Variants in FAM13B observed in about 807,000 individuals in gnomAD.
FAM13B encodes the protein family with sequence similarity 13 member B.
Under a neutral mutation model 117.3 loss-of-function variants are expected in FAM13B, and 60 were observed. The observed-to-expected ratio is 0.51, with a 90% CI of 0.42 to 0.63. The LOEUF (loss-of-function observed/expected upper bound fraction) is 0.63, where lower values mean the gene tolerates loss of function less well. FAM13B is among the 30% of genes least tolerant of loss of function. FAM13B has a pLI of 0.00. For missense variants in FAM13B, 972 were observed against 1,091.9 expected, an observed-to-expected ratio of 0.89 and a Z score of 1.55; for synonymous variants, 332 against 356.1, an observed-to-expected ratio of 0.93 and a Z score of 0.76.
At chr5:138,049,562 C>T (rs1473908811) in intron 1 of FAM13B, among the ~76,000 whole-genome samples, 6 of 151,794 alleles carry the variant, frequency 4.0e-5, no homozygotes, top group South Asian at 2.1e-4. Context: ...CGTGAGCCAC[C>T]GTGCCCGGCC....
At chr5:137,961,664 C>T (rs1271486074) in intron 11 of FAM13B, among the ~76,000 whole-genome samples, 5 of 152,186 alleles carry the variant, frequency 3.3e-5, no homozygotes, top group African/African-American at 7.2e-5. Flanking sequence ...AGGCTGTCAG[C>T]AAATTAGTAT....
At chr5:137,959,876 C>CAG in intron 12 of FAM13B, 113 bp from the exon 13 acceptor site, 1 of 992,250 alleles carries the variant, frequency 1.0e-6, no homozygotes. Flanking sequence ...TGTGCCTATA[C>CAG]AGCCAACTGT....
intron 20 of FAM13B, 99 bp downstream of exon 20, chr5:137,945,803 T>C (rs1305328117): frequency 1.3e-6 from 1 of 771,768 alleles, no homozygotes; most frequent in Non-Finnish European, 2.1e-6. Context: ...TATTTCTGTC[T>C]TGGCTGTGTA....
At chr5:138,035,581 G>A (rs1182893325), upstream of FAM13B, among the ~76,000 whole-genome samples, 1 of 152,132 alleles carries the variant, frequency 6.6e-6, no homozygotes, top group Non-Finnish European at 1.5e-5. Flanking sequence ...TGAAAACTCA[G>A]GCAGGTTCCA....
At chr5:137,971,563 A>G (rs1285763973) in intron 10 of FAM13B, among the ~76,000 whole-genome samples, 1 of 151,130 alleles carries the variant, frequency 6.6e-6, no homozygotes, top group Non-Finnish European at 1.5e-5. Context: ...TAGAAAAGCA[A>G]GAGCAAACAC....
At chr5:137,952,865 C>T (rs1466953031) in intron 16 of FAM13B, among the ~76,000 whole-genome samples, 156 bp from the exon 17 acceptor site, 1 of 152,200 alleles carries the variant, frequency 6.6e-6, no homozygotes, top group African/African-American at 2.4e-5. Flanking sequence ...AAGTCAAGTT[C>T]TCCCAAGGTA....
chr5:137,974,169 A>G (rs1393019187), intron 10 of FAM13B, among the ~76,000 whole-genome samples: 5 of 150,728 alleles, frequency 3.3e-5, no homozygotes, highest in South Asian at 2.1e-4. Flanking sequence ...TGTTTATTGC[A>G]GCATTATTCA....
intron 11 of FAM13B, 120 bp downstream of exon 11, chr5:137,962,285 G>A: frequency 1.3e-6 from 1 of 772,620 alleles, no homozygotes; most frequent in Non-Finnish European, 2.1e-6. Context: ...CAAGAAGGCT[G>A]TTTAAGATTA....
chr5:138,038,594 C>T (rs562732345), intron 1 of FAM13B: 23 of 152,258 alleles, frequency 1.5e-4, no homozygotes, highest in African/African-American at 5.5e-4. Flanking sequence ...CTGGCTCTTC[C>T]AAGAAATGGA....
intron 13 of FAM13B, 108 bp downstream of exon 13, chr5:137,959,508 C>A: frequency 8.8e-7 from 1 of 1,138,994 alleles, no homozygotes; most frequent in Non-Finnish European, 1.3e-6. Flanking sequence ...AACAGAAGAT[C>A]AAGATGAATA....
chr5:137,959,659 T>C lies in FAM13B; in HGVS notation c.1398A>G (p.Pro466=), dbSNP rs1190244012. The C allele has an allele frequency of 6.2e-7, 1 of 1,614,010 alleles. No individual in the cohort carries two copies. The highest frequency in any genetic ancestry group is 2.2e-5 in the East Asian group (1 of 44,878). ...VQGEAACVSI[P]HLDLKNVSDG... is the part of the protein sequence containing the mutation. The stretch of plus-strand genomic sequence containing the variant: ...CAGAAACATTCTTCAGATCTAAATG[T>C]GGAATACTGACACACGCTGCTTCCC... The change falls in exon 13 of 24, where the codon CCA becomes CCG. Residue 466 remains proline, a synonymous_variant. Transcript: ENST00000689681.
intron 6 of FAM13B, among the ~76,000 whole-genome samples, chr5:138,009,804 A>G (rs1200685961): frequency 1.4e-5 from 2 of 146,370 alleles, no homozygotes; most frequent in East Asian, 3.9e-4. Context: ...GACTGTCTCA[A>G]AAAAAAAAAA....
chr5:137,950,535 T>C (rs1331172603), intron 17 of FAM13B, among the ~76,000 whole-genome samples: 2 of 152,102 alleles, frequency 1.3e-5, no homozygotes, highest in Admixed American at 1.3e-4. Context: ...GTAGTAAGAC[T>C]ATTTATTTTT....
At chr5:138,031,229 TA>T (rs1789907036) in intron 1 of FAM13B, among the ~76,000 whole-genome samples, 1 of 151,770 alleles carries the variant, frequency 6.6e-6, no homozygotes, top group Non-Finnish European at 1.5e-5. Context: ...AATGACATTC[TA>T]ATAAAAAAAA....
At chr5:138,036,032 T>C (rs1031278120), upstream of FAM13B, among the ~76,000 whole-genome samples, 1 of 152,210 alleles carries the variant, frequency 6.6e-6, no homozygotes, top group African/African-American at 2.4e-5. Context: ...GGCATCTCTG[T>C]AAAGGCCCTG....
intron 11 of FAM13B, among the ~76,000 whole-genome samples, chr5:137,962,030 G>T (rs1000533093): frequency 2.0e-5 from 3 of 152,148 alleles, no homozygotes; most frequent in Non-Finnish European, 4.4e-5. Flanking sequence ...ATACATATTT[G>T]TTGAATCAAA....
chr5:138,033,882 T>C (rs1790795152), upstream of FAM13B: 1 of 152,204 alleles, frequency 6.6e-6, no homozygotes, highest in Non-Finnish European at 1.5e-5. Context: ...GCACAAAAAA[T>C]AGCAGCCACC....
upstream of FAM13B, among the ~76,000 whole-genome samples, chr5:138,037,533 C>T (rs1344309505): frequency 6.6e-6 from 1 of 151,876 alleles, no homozygotes; most frequent in African/African-American, 2.4e-5. Flanking sequence ...TTACAGATGG[C>T]TAATAATGCC....
At chr5:137,987,366 C>T (rs1265200146) in intron 9 of FAM13B, 95 bp downstream of exon 9, 2 of 1,161,958 alleles carry the variant, frequency 1.7e-6, no homozygotes, top group Non-Finnish European at 2.4e-6. Flanking sequence ...CAGAAATCTC[C>T]AAGAAAGATG....
Sources: gnomAD v4.1 joint callset for allele counts (sites outside exome capture counted in the v4.1 genomes callset) on GRCh38, gnomAD v4.1.1 for gene constraint, MANE v1.5 for transcripts, NCBI Gene and HGNC (gene_info 2026-07-23, HGNC 2026-07-21) for gene names.